Variants in NR2C2 observed in about 807,000 individuals in gnomAD.
NR2C2 encodes Nuclear hormone receptor TR4.
A neutral mutation model predicts 62.9 loss-of-function variants in NR2C2; 6 were observed. The ratio of observed to expected loss-of-function variants is 0.10; its 90% confidence interval spans 0.05 to 0.19. NR2C2 has a LOEUF of 0.19. Among genes scored for constraint, NR2C2 ranks in the 10% least tolerant of loss-of-function variants. The pLI is 1.00. For synonymous variants in NR2C2, 272 were observed against 273.8 expected (o/e 0.99, Z 0.07); for missense variants, 479 against 762.7 (o/e 0.63, Z 4.38).
At chr3:15,001,978 G>T (rs1163404189) in intron 1 of NR2C2, among the ~76,000 whole-genome samples, 2 of 152,064 alleles carry the variant, frequency 1.3e-5, no homozygotes, top group African/African-American at 2.4e-5. Flanking sequence ...GCTCTGATGG[G>T]TTTTTTGTGG....
At chr3:15,014,873 T>C (rs1451770599) in intron 3 of NR2C2, among the ~76,000 whole-genome samples, 1 of 152,230 alleles carries the variant, frequency 6.6e-6, no homozygotes, top group Non-Finnish European at 1.5e-5. Flanking sequence ...GGTGGACATG[T>C]AGGTTGCTTC....
chr3:15,006,825 G>T (rs2041186185), intron 2 of NR2C2, among the ~76,000 whole-genome samples: 1 of 151,294 alleles, frequency 6.6e-6, no homozygotes, highest in Non-Finnish European at 1.5e-5. Flanking sequence ...GCCCAGGCTG[G>T]AGTACAGTGG....
chr3:14,954,886 A>C (rs1038420532), intron 1 of NR2C2, among the ~76,000 whole-genome samples: 2 of 152,168 alleles, frequency 1.3e-5, no homozygotes, highest in Non-Finnish European at 2.9e-5. Context: ...GCCGGAGTGC[A>C]GTGGTACGAT....
intron 1 of NR2C2, chr3:14,948,355 C>G (rs1409698074): frequency 2.0e-5 from 3 of 152,252 alleles, no homozygotes; most frequent in Non-Finnish European, 4.4e-5. Flanking sequence ...AGCCCAACCG[C>G]CGTTTTTTCT....
intron 11 of NR2C2, among the ~76,000 whole-genome samples, chr3:15,036,859 C>T (rs146435213): frequency 1.6e-4 from 24 of 152,084 alleles, no homozygotes; most frequent in South Asian, 1.0e-3. Context: ...TGGTGGCTTA[C>T]GCCTGTAATC....
At chr3:14,980,273 TC>T (rs569651289) in intron 1 of NR2C2, among the ~76,000 whole-genome samples, 43 of 151,122 alleles carry the variant, frequency 2.8e-4, no homozygotes, top group African/African-American at 1.0e-3. Flanking sequence ...GCCTCAGCCT[TC>T]CAAGGAGCTA....
intron 1 of NR2C2, among the ~76,000 whole-genome samples, chr3:14,981,035 T>G (rs2040351264): frequency 6.6e-6 from 1 of 152,256 alleles, no homozygotes; most frequent in Admixed American, 6.5e-5. Context: ...GCATCAGGTC[T>G]CTATTGACAA....
chr3:15,039,847 A>C (rs185345774), intron 13 of NR2C2, among the ~76,000 whole-genome samples: 1 of 152,334 alleles, frequency 6.6e-6, no homozygotes, highest in Admixed American at 6.5e-5. Flanking sequence ...ATGTGCAGTA[A>C]AAATATGTGT....
chr3:15,001,684 A>G (rs2124917445), intron 1 of NR2C2, among the ~76,000 whole-genome samples: 1 of 151,782 alleles, frequency 6.6e-6, no homozygotes, highest in South Asian at 2.1e-4. Flanking sequence ...TGACACAATC[A>G]TGGCTCACTG....
intron 6 of NR2C2, 88 bp downstream of exon 6, chr3:15,023,435 C>G (rs1279766568): frequency 4.8e-6 from 7 of 1,451,890 alleles, no homozygotes; most frequent in Non-Finnish European, 6.6e-6. Context: ...TTGTGGCTTC[C>G]CACCCATCTG....
chr3:14,977,590 C>A (rs193209601), intron 1 of NR2C2, among the ~76,000 whole-genome samples: 11 of 152,160 alleles, frequency 7.2e-5, no homozygotes, highest in Admixed American at 7.2e-4. Flanking sequence ...TATCCAAATT[C>A]ATTTTTGTTT....
chr3:14,988,870 A>G (rs952331769), intron 1 of NR2C2, among the ~76,000 whole-genome samples: 2 of 152,190 alleles, frequency 1.3e-5, no homozygotes, highest in Admixed American at 1.3e-4. Context: ...GTGCACATGC[A>G]AACTTCTGTT....
Position 14,994,124 on chromosome 3 carries a change from T to C in NR2C2, c.-39-9752T>C, listed in dbSNP as rs557300456. On this transcript the variant is annotated intron_variant, in intron 1 of 13. Coordinates refer to ENST00000425241, the MANE Select transcript of NR2C2 (RefSeq NM_001291694.2). ...ATGACATAGAAAACTTTCTGAGATA[T>C]GTGAAATACTTTTTGAATAGTGTTT... Among the ~76,000 whole-genome samples, 13 of 152,320 alleles carry C rather than the reference T, an allele frequency of 8.5e-5. No individual in the cohort carries two copies. The South Asian group carries it at 1.4e-3, about 17-fold the overall frequency.
At chr3:14,947,947 G>C (rs1258997544) in intron 1 of NR2C2, 41 bp downstream of exon 1, 1 of 151,558 alleles carries the variant, frequency 6.6e-6, no homozygotes, top group Non-Finnish European at 1.5e-5. Flanking sequence ...GGCCGGCGGC[G>C]GAGGGGGCGG....
chr3:15,003,991 C>T lies in NR2C2; in HGVS notation c.72+5C>T. 6.2e-7 allele frequency: 1 copy of T among 1,604,920 alleles called. No individual in the cohort carries two copies. Among genetic ancestry groups the T allele is most frequent in the Non-Finnish European group, 8.5e-7 (1 of 1,176,006 alleles). On this transcript the variant is annotated splice_donor_5th_base_variant and intron_variant, in intron 2 of 13. Coordinates refer to ENST00000425241, the MANE Select transcript of NR2C2 (RefSeq NM_001291694.2). ...GCCTCACCTCAGCGCATTCAGGTACCTGCAACCTGCCAATGGCAACCCTGC... is the reference window on the plus strand; with the variant it reads ...GCCTCACCTCAGCGCATTCAGGTACTTGCAACCTGCCAATGGCAACCCTGC...
chr3:15,005,414 A>G (rs1574992491), intron 2 of NR2C2, among the ~76,000 whole-genome samples: 1 of 117,486 alleles, frequency 8.5e-6, no homozygotes, highest in Non-Finnish European at 1.7e-5. Context: ...ATGGGGTTTC[A>G]CCATGTTGCC....
At chr3:15,014,662 C>T (rs992503619) in intron 3 of NR2C2, among the ~76,000 whole-genome samples, 55 of 152,242 alleles carry the variant, frequency 3.6e-4, no homozygotes, top group African/African-American at 1.2e-3. Flanking sequence ...TCCCCCTCCC[C>T]CAGCCCCTGG....
chr3:14,973,635 C>T (rs2040115807), intron 1 of NR2C2, among the ~76,000 whole-genome samples: 1 of 152,078 alleles, frequency 6.6e-6, no homozygotes, highest in Admixed American at 6.5e-5. Flanking sequence ...TGACTTCTTT[C>T]TTTTGCATGT....
rs1559308333 is a variant in NR2C2 at position 15,034,766 on chromosome 3, C to A, written c.1329C>A (p.Ile443=). Residue 443 remains isoleucine (I), a synonymous_variant, in exon 11 of 14, where the codon ATC becomes ATA. Coordinates refer to ENST00000425241, the MANE Select transcript of NR2C2 (RefSeq NM_001291694.2). ...QCAQVMSLST[I]LAAIVNHLQN... ...CCCAGGTCATGAGTCTCTCCACCAT[C>A]CTGGCTGCCATTGTCAACCACCTGC... The A allele has an allele frequency of 6.2e-7, 1 of 1,614,026 alleles. No homozygotes were observed. The highest frequency in any genetic ancestry group is 8.5e-7 in the Non-Finnish European group (1 of 1,179,966).
Sources: gnomAD v4.1 joint callset for allele counts (sites outside exome capture counted in the v4.1 genomes callset) on GRCh38, gnomAD v4.1.1 for gene constraint, MANE v1.5 for transcripts, NCBI Gene and HGNC (gene_info 2026-07-23, HGNC 2026-07-21) for gene names.